GRIP2: variants seen among roughly 807,000 people sequenced by gnomAD.
The protein encoded by GRIP2 is glutamate receptor interacting protein 2.
A neutral mutation model predicts 108.3 loss-of-function variants in GRIP2; 58 were observed. That is an observed-to-expected ratio of 0.54 (90% CI 0.43 to 0.67). The LOEUF is 0.67. Ranked by LOEUF, GRIP2 falls within the 30% of genes least tolerant of loss-of-function variation. The pLI is 0.00. For missense variants in GRIP2, 1,278 were observed against 1,430.6 expected (o/e 0.89, Z 1.72); for synonymous variants, 586 against 598.2 (o/e 0.98, Z 0.30).
chr3:14,509,138 G>A (rs188388021), intron 17 of GRIP2, among the ~76,000 whole-genome samples: 2 of 149,260 alleles, frequency 1.3e-5, no homozygotes, highest in South Asian at 2.2e-4. Context: ...CTCCCCACCC[G>A]CCCAGCCACC....
the GRIP2 span, among the ~76,000 whole-genome samples, chr3:14,571,159 C>T: frequency 0.048 from 7,249 of 152,220 alleles, 608 homozygotes; most frequent in African/African-American, 0.16. Flanking sequence ...GTTCTGCTTT[C>T]CTGTGTGTGT....
the GRIP2 span, among the ~76,000 whole-genome samples, chr3:14,592,226 T>C: frequency 6.6e-6 from 1 of 152,302 alleles, no homozygotes; most frequent in African/African-American, 2.4e-5. Context: ...GGGGGAACTT[T>C]CAGAGAAAGG....
chr3:14,560,997 A>G (rs1177152952), upstream of GRIP2, among the ~76,000 whole-genome samples: 1 of 152,220 alleles, frequency 6.6e-6, no homozygotes, highest in Admixed American at 6.5e-5. Context: ...CTGGATATGA[A>G]TTACTTTGGG....
chr3:14,547,360 A>G (rs1178909740), intron 1 of GRIP2, among the ~76,000 whole-genome samples: 1 of 152,174 alleles, frequency 6.6e-6, no homozygotes, highest in Non-Finnish European at 1.5e-5. Flanking sequence ...GCAAGTTTAG[A>G]GGGAAGGAAT....
chr3:14,582,469 G>C, the GRIP2 span, among the ~76,000 whole-genome samples: 1 of 152,188 alleles, frequency 6.6e-6, no homozygotes, highest in African/African-American at 2.4e-5. Flanking sequence ...AGTCTTTCTA[G>C]CTTGGATGTT....
At chr3:14,573,068 GGAGA>G in the GRIP2 span, 2 of 1,393,020 alleles carry the variant, frequency 1.4e-6, no homozygotes, top group South Asian at 2.3e-5. Context: ...AGAAGGCGAA[GGAGA>G]GAAAGAGGCC....
At position 14,512,646 on chromosome 3, in the gene GRIP2, C is replaced by T; in HGVS notation, c.1720+131G>A. 1 of 801,890 alleles carries T rather than the reference C, an allele frequency of 1.2e-6. No homozygotes were observed. The allele number at this position is 801,890 out of a possible 1,614,324, so 49.7% of individuals were successfully genotyped here. Reference sequence around the variant, plus strand: ...GGGTCCACGGAAGCCAGCCTCCCCACACCCCCAAGCCTTTTCCTCGGGCCC... The same window carrying T: ...GGGTCCACGGAAGCCAGCCTCCCCATACCCCCAAGCCTTTTCCTCGGGCCC... On this transcript the variant is annotated intron_variant, in intron 14 of 23. Coordinates refer to ENST00000621039, the MANE Select transcript of GRIP2 (RefSeq NM_001080423.4). The surrounding 1 kb of genome is among the most constrained non-coding windows in gnomAD (Gnocchi z 5.1).
At chr3:14,524,626 A>G (rs1694504597) in intron 3 of GRIP2, 88 bp from the exon 4 acceptor site, 6 of 1,381,090 alleles carry the variant, frequency 4.3e-6, no homozygotes, top group African/African-American at 1.4e-5. Flanking sequence ...TGGAATCCCT[A>G]TGATCACTGG....
At chr3:14,494,049 C>T (rs1464076180) in intron 23 of GRIP2, among the ~76,000 whole-genome samples, 1 of 152,210 alleles carries the variant, frequency 6.6e-6, no homozygotes, top group East Asian at 1.9e-4. Flanking sequence ...GCAGGTATAC[C>T]TTTCATACCC....
At chr3:14,528,095 A>G (rs1161258397) in intron 1 of GRIP2, among the ~76,000 whole-genome samples, 1 of 152,082 alleles carries the variant, frequency 6.6e-6, no homozygotes, top group Non-Finnish European at 1.5e-5. Context: ...CCCCACAAGC[A>G]CTTATCTGTT....
At chr3:14,509,080 G>A (rs1166236199) in intron 17 of GRIP2, among the ~76,000 whole-genome samples, 2 of 152,102 alleles carry the variant, frequency 1.3e-5, no homozygotes, top group Non-Finnish European at 2.9e-5. Flanking sequence ...GTGTCCAGCA[G>A]GGGGCGCTCC....
In GRIP2 at chr3:14,523,069, G is replaced by A; in HGVS notation, c.497C>T (p.Ala166Val). ...GCGGGACTTGTGCCCATCTTCATGG[G>A]CACCTCCTGGACAGGATTTGACAAG... ...NSFGFVLRGG[A>V]HEDGHKSRPL... Residue 166 changes from alanine to valine, a missense_variant, in exon 6 of 24, where the codon GCC becomes GTC. Physicochemically the swap from Ala to Val is moderately conservative, Grantham distance 64. Coordinates refer to ENST00000621039, the MANE Select transcript of GRIP2 (RefSeq NM_001080423.4). 6.2e-7 allele frequency: 1 copy of A among 1,606,802 alleles called. No individual in the cohort carries two copies. Among genetic ancestry groups the A allele is most frequent in the East Asian group, 2.2e-5 (1 of 44,682 alleles).
At chr3:14,573,940 G>T in the GRIP2 span, 1 of 1,100,648 alleles carries the variant, frequency 9.1e-7, no homozygotes, top group South Asian at 1.3e-5. Context: ...TCGTGCTCGC[G>T]CCCTGCGCGA....
chr3:14,527,670 A>C (rs11706259), intron 1 of GRIP2, among the ~76,000 whole-genome samples: 10,069 of 152,010 alleles, frequency 0.066, 413 homozygotes, highest in East Asian at 0.15. Context: ...TGGGCAGATC[A>C]GCTGAGGTCA....
Position 14,520,201 on chromosome 3 carries a change from G to A in GRIP2, c.939C>T (p.Ala313=). Residue 313 remains alanine, a synonymous_variant, in exon 9 of 24, where the codon GCC becomes GCT. Transcript: ENST00000621039. ...TSMEHCSLLE[A]TKLLASISEK... Reference sequence around the variant, plus strand: ...CTGAAATGCTGGCCAGGAGCTTGGTGGCCTCAAGCAGCGAGCAGTGTTCCA... The same window carrying A: ...CTGAAATGCTGGCCAGGAGCTTGGTAGCCTCAAGCAGCGAGCAGTGTTCCA... The A allele has an allele frequency of 6.2e-7, 1 of 1,613,552 alleles. No homozygotes were observed. The highest frequency in any genetic ancestry group is 8.5e-7 in the Non-Finnish European group (1 of 1,179,822).
At chr3:14,555,956 GTGCCCTCC>G (rs1465345751) in exon 1 of GRIP2, 4 of 399,560 alleles carry the variant, frequency 1.0e-5, no homozygotes, top group Non-Finnish European at 1.3e-5. Flanking sequence ...CGCCAGCATT[GTGCCCTCC>G]TGCCCTCCGG....
chr3:14,552,055 T>C (rs1044022087), intron 1 of GRIP2, among the ~76,000 whole-genome samples: 3 of 151,684 alleles, frequency 2.0e-5, no homozygotes, highest in African/African-American at 7.2e-5. Flanking sequence ...CCTTGTCTTC[T>C]TGATTCAAAA....
At chr3:14,598,871 C>T in the GRIP2 span, among the ~76,000 whole-genome samples, 218 of 152,258 alleles carry the variant, frequency 1.4e-3, no homozygotes, top group African/African-American at 3.9e-3. Flanking sequence ...GCCTGCCTTG[C>T]TTTTCCTTCT....
chr3:14,530,413 G>C (rs560177146), intron 1 of GRIP2, among the ~76,000 whole-genome samples: 5 of 149,136 alleles, frequency 3.4e-5, no homozygotes, highest in Admixed American at 6.7e-5. Context: ...TCCATTTTTT[G>C]AGTGGAAATG....
Sources: gnomAD v4.1 joint callset for allele counts (sites outside exome capture counted in the v4.1 genomes callset) on GRCh38, gnomAD v4.1.1 for gene constraint, Gnocchi (gnomAD v3.1) non-coding constraint, MANE v1.5 for transcripts, NCBI Gene and HGNC (gene_info 2026-07-23, HGNC 2026-07-21) for gene names.